Variants in TRPV3 observed in about 807,000 individuals in gnomAD.
TRPV3 encodes the protein VRL-3.
A neutral mutation model predicts 87.1 loss-of-function variants in TRPV3; 88 were observed. The observed-to-expected ratio is 1.01, with a 90% CI of 0.85 to 1.21. TRPV3 has a LOEUF of 1.21. Among genes scored for constraint, TRPV3 ranks in the 50% most tolerant of loss-of-function variants. The pLI, the probability that TRPV3 is intolerant of heterozygous loss-of-function variation, is 0.00. For missense variants in TRPV3, 1,054 were observed against 1,030.1 expected (o/e 1.02, Z -0.32); for synonymous variants, 438 against 423.3 (o/e 1.03, Z -0.43).
At chr17:3,526,952 G>C (rs1182751970) in intron 11 of TRPV3, 25 bp from the exon 12 acceptor site, 4 of 1,594,682 alleles carry the variant, frequency 2.5e-6, no homozygotes, top group Non-Finnish European at 3.4e-6. Flanking sequence ...GAAAGAAACA[G>C]TGCACCCTCT....
chr17:3,551,694 G>A (rs530505463), intron 2 of TRPV3, among the ~76,000 whole-genome samples: 24 of 152,050 alleles, frequency 1.6e-4, no homozygotes, highest in African/African-American at 5.5e-4. Flanking sequence ...CCTTTTCCAG[G>A]GTCCAGGAAG....
At chr17:3,522,689 T>C (rs2074258537) in intron 13 of TRPV3, among the ~76,000 whole-genome samples, 1 of 151,564 alleles carries the variant, frequency 6.6e-6, no homozygotes, top group South Asian at 2.1e-4. Flanking sequence ...GCATGGTGCA[T>C]GCCTGTAGTC....
chr17:3,550,520 CTTTTTTT>C (rs35400667), intron 2 of TRPV3, among the ~76,000 whole-genome samples: 4 of 92,184 alleles, frequency 4.3e-5, no homozygotes, highest in African/African-American at 1.6e-4. Context: ...CCTGCCTGCT[CTTTTTTT>C]TTTTTTTTTT....
intron 2 of TRPV3, among the ~76,000 whole-genome samples, chr17:3,551,397 AC>A (rs1402721394): frequency 6.6e-6 from 1 of 152,214 alleles, no homozygotes; most frequent in African/African-American, 2.4e-5. Context: ...GCCCAGTGAC[AC>A]CCTGGCTCCA....
intron 7 of TRPV3, 42 bp from the exon 8 acceptor site, chr17:3,532,979 G>T: frequency 6.2e-7 from 1 of 1,601,764 alleles, no homozygotes; most frequent in South Asian, 1.1e-5. Flanking sequence ...CTCATGGGCC[G>T]GAAGCAGCGT....
intron 11 of TRPV3, chr17:3,527,762 GA>G: frequency 2.0e-6 from 1 of 500,262 alleles, no homozygotes; most frequent in South Asian, 2.1e-5. Flanking sequence ...GATGGGGGTG[GA>G]AGAGGACAAG....
rs1339758517 is a variant in TRPV3, at chr17:3,518,596, C to T, written c.2065G>A (p.Glu689Lys). The change falls in exon 15 of 18, where the codon GAA becomes AAA. Residue 689 changes from glutamate (E) to lysine (K), a missense_variant. Glu to Lys is a moderately conservative substitution (Grantham distance 56, BLOSUM62 1). Transcript: ENST00000576742. This position sits in a 1 kb window ranked among gnomAD's most constrained non-coding sequence, Gnocchi z 4.3. The part of the protein sequence containing the change: ...ETVENVSKES[E>K]RIWRLQRART... ...CTCACCTGCAGGCGCCAGATGCGTTCGCTCTCCTTGGAGACGTTCTCCACA... is the reference window on the plus strand; with the variant it reads ...CTCACCTGCAGGCGCCAGATGCGTTTGCTCTCCTTGGAGACGTTCTCCACA... 9 of 1,559,406 alleles carry T rather than the reference C, an allele frequency of 5.8e-6. No homozygotes were observed. The highest frequency in any genetic ancestry group is 7.8e-6 in the Non-Finnish European group (9 of 1,150,692).
intron 8 of TRPV3, 85 bp downstream of exon 8, chr17:3,532,572 C>A: frequency 6.6e-7 from 1 of 1,503,934 alleles, no homozygotes; most frequent in Non-Finnish European, 9.0e-7. Context: ...TTGTGAATCC[C>A]CAGTAAGGCC....
intron 2 of TRPV3, among the ~76,000 whole-genome samples, chr17:3,547,223 C>T (rs1352026646): frequency 1.3e-5 from 2 of 152,212 alleles, no homozygotes; most frequent in East Asian, 3.9e-4. Flanking sequence ...CTGAGATCCA[C>T]GCGGGCCTTC....
chr17:3,514,003 T>A lies in TRPV3; in HGVS notation c.2287A>T (p.Lys763Ter). ...TTGTTCCTGGAAGAATCTTGGATTT[T>A]GTTGAAATCTGCTTTTTAAAAAAAT... ...PGPVRRTDFNKIQDSSRNNSK... is the reference protein window; with the variant it reads ...PGPVRRTDFN Residue 763 changes from lysine to a stop codon, truncating the protein, a stop_gained, in exon 18 of 18, where the codon AAA (lysine) becomes TAA (stop). Coordinates refer to ENST00000576742, the MANE Select transcript of TRPV3 (RefSeq NM_145068.4). LOFTEE classifies it high-confidence loss of function. 2.5e-6 allele frequency: 4 copies of A among 1,612,520 alleles called. No homozygotes were observed. Among genetic ancestry groups the A allele is most frequent in the Non-Finnish European group, 3.4e-6 (4 of 1,179,002 alleles).
chr17:3,532,140 C>A (rs1240660187), intron 8 of TRPV3, among the ~76,000 whole-genome samples: 6 of 152,268 alleles, frequency 3.9e-5, no homozygotes, highest in Non-Finnish European at 7.3e-5. Context: ...CCAGCCAAGC[C>A]TCGATTTCTC....
chr17:3,555,073 T>A (rs1436080309), intron 1 of TRPV3, among the ~76,000 whole-genome samples: 1 of 152,110 alleles, frequency 6.6e-6, no homozygotes, highest in Non-Finnish European at 1.5e-5. Flanking sequence ...GCTATGGTCC[T>A]AGGAGAGCCC....
At chr17:3,533,047 TTCCCTA>T in intron 7 of TRPV3, 110 bp from the exon 8 acceptor site, 1 of 1,272,998 alleles carries the variant, frequency 7.9e-7, no homozygotes, top group Non-Finnish European at 1.1e-6. Context: ...GCACCTCAGG[TTCCCTA>T]GCCCTCTCCC....
chr17:3,528,155 A>G lies in TRPV3; in HGVS notation c.1402-29T>C. On this transcript the variant is annotated intron_variant, in intron 10 of 17. Coordinates refer to ENST00000576742, the MANE Select transcript of TRPV3 (RefSeq NM_145068.4). The surrounding 1 kb of genome is among the most constrained non-coding windows in gnomAD (Gnocchi z 4.2). ...CAGGGAAAGAAGAGGGGTGGTCAGT[A>G]TAGGAAGCAAGGAGGACAGGGCTGG... is the stretch of plus-strand genomic sequence containing the variant. 6.3e-7 allele frequency: 1 copy of G among 1,579,026 alleles called. No homozygotes were observed. Among genetic ancestry groups the G allele is most frequent in the Non-Finnish European group, 8.7e-7 (1 of 1,155,532 alleles).
At chr17:3,516,664 T>A in intron 15 of TRPV3, 95 bp from the exon 16 acceptor site, 1 of 847,268 alleles carries the variant, frequency 1.2e-6, no homozygotes, top group Non-Finnish European at 2.0e-6. Context: ...CACCCTCACC[T>A]CATGCTTAAT....
intron 9 of TRPV3, among the ~76,000 whole-genome samples, chr17:3,529,459 TA>T (rs1470803099): frequency 6.6e-6 from 1 of 151,936 alleles, no homozygotes; most frequent in African/African-American, 2.4e-5. Flanking sequence ...TGACTCTTAG[TA>T]AAGTATGAAG....
intron 17 of TRPV3, 147 bp downstream of exon 17, chr17:3,514,445 AG>A (rs2074155291): frequency 1.6e-6 from 1 of 635,680 alleles, no homozygotes. Flanking sequence ...GGGTTCTAAA[AG>A]TCAGAGCTGG....
At chr17:3,515,522 G>A (rs1455893474) in intron 16 of TRPV3, among the ~76,000 whole-genome samples, 5 of 152,102 alleles carry the variant, frequency 3.3e-5, no homozygotes, top group East Asian at 1.9e-4. Flanking sequence ...TTATCCAGGC[G>A]TGGTGGCATA....
rs143970902 is a variant in TRPV3, at chr17:3,546,908, C to T, written c.120-1637G>A. 1.1e-3 allele frequency: 283 copies of T among 265,558 alleles called. 3 individuals are homozygous for T. The East Asian group carries it at 0.023, about 22-fold the overall frequency. 16.5% of individuals were successfully genotyped at this position (265,558 alleles called of 1,614,324 possible). On this transcript the variant is annotated intron_variant, in intron 2 of 17. Coordinates refer to ENST00000576742, the MANE Select transcript of TRPV3 (RefSeq NM_145068.4). ...GCTTGAAACCGGGAGGCAGAGGTTG[C>T]GGTGAGTCAAGATCGTGCTACTGCA...
Sources: allele counts gnomAD v4.1 joint callset (sites outside exome capture counted in the v4.1 genomes callset), GRCh38; gene constraint gnomAD v4.1.1; non-coding constraint Gnocchi (gnomAD v3.1); transcripts MANE v1.5; gene names NCBI Gene and HGNC (gene_info 2026-07-23, HGNC 2026-07-21).